PCDHGA12: variants seen among roughly 807,000 people sequenced by gnomAD.
The protein encoded by PCDHGA12 is protocadherin gamma-A12.
Under a neutral mutation model 61.1 loss-of-function variants are expected in PCDHGA12, and 43 were observed. The observed-to-expected ratio is 0.70, with a 90% CI of 0.55 to 0.91. The LOEUF is 0.91. PCDHGA12 is among the 40% of genes least tolerant of loss of function. The pLI, the probability that PCDHGA12 is intolerant of heterozygous loss-of-function variation, is 0.00. For missense variants in PCDHGA12, 1,236 were observed against 1,227.7 expected, an observed-to-expected ratio of 1.01 and a Z score of -0.10; for synonymous variants, 520 against 542.9, an observed-to-expected ratio of 0.96 and a Z score of 0.59.
At position 141,432,942 on chromosome 5, in the gene PCDHGA12, C is replaced by G. The variant is rs1346694514; in HGVS notation, c.2183C>G (p.Ser728Ter). ...RWHKSRLLQA[S>*]GGGLTGAPAS... ...CACAAGTCACGCCTGCTGCAGGCTT[C>G]AGGAGGCGGCTTGACAGGAGCGCCG... The change falls in exon 1 of 4, where the codon TCA becomes TGA. Residue 728 changes from serine to a stop codon, truncating the protein, a stop_gained. Coordinates refer to ENST00000252085, the MANE Select transcript of PCDHGA12 (RefSeq NM_003735.3). LOFTEE classifies it high-confidence loss of function. The surrounding 1 kb of genome is among the most constrained non-coding windows in gnomAD (Gnocchi z 6.0). The G allele has an allele frequency of 1.2e-6, 2 of 1,614,190 alleles. No individual in the cohort carries two copies. Among genetic ancestry groups the G allele is most frequent in the Non-Finnish European group, 1.7e-6 (2 of 1,180,036 alleles).
intron 1 of PCDHGA12, among the ~76,000 whole-genome samples, chr5:141,484,084 T>A (rs1030166144): frequency 3.3e-5 from 5 of 152,174 alleles, no homozygotes; most frequent in African/African-American, 4.8e-5. Flanking sequence ...TCTTTTGAAA[T>A]GGTCTTCGTT....
In PCDHGA12 at chr5:141,493,356, C is replaced by G. The variant is rs1303319550; in HGVS notation, c.2425-1451C>G. On this transcript the variant is annotated intron_variant, in intron 1 of 3. Transcript: ENST00000252085. The surrounding 1 kb of genome is among the most constrained non-coding windows in gnomAD (Gnocchi z 4.3). ...ACTCCAGAATGTGTGCTTTTAATTT[C>G]TTGGCACTTGGAACTTTAAAAGCTT... Among the ~76,000 whole-genome samples the G allele has an allele frequency of 6.6e-6, 1 of 152,182 alleles. No individual in the cohort carries two copies. The highest frequency in any genetic ancestry group is 1.5e-5 in the Non-Finnish European group (1 of 68,032).
chr5:141,456,020 C>T (rs2098840631), intron 1 of PCDHGA12, among the ~76,000 whole-genome samples: 1 of 151,834 alleles, frequency 6.6e-6, no homozygotes, highest in South Asian at 2.1e-4. Flanking sequence ...GCCTCAGCCT[C>T]CCGAGTAGCT....
chr5:141,472,795 G>A (rs939788734), intron 1 of PCDHGA12, among the ~76,000 whole-genome samples: 1 of 151,794 alleles, frequency 6.6e-6, no homozygotes, highest in Non-Finnish European at 1.5e-5. Flanking sequence ...AGATCAGCCT[G>A]ACCAACATGG....
At position 141,485,614 on chromosome 5, in the gene PCDHGA12, T is replaced by G; in HGVS notation, c.2425-9193T>G. 1 of 1,612,236 alleles carries G rather than the reference T, an allele frequency of 6.2e-7. No individual in the cohort carries two copies. Among genetic ancestry groups the G allele is most frequent in the Non-Finnish European group, 8.5e-7 (1 of 1,178,686 alleles). On this transcript the variant is annotated intron_variant, in intron 1 of 3. Transcript: ENST00000252085. The surrounding 1 kb of genome is among the most constrained non-coding windows in gnomAD (Gnocchi z 5.7). ...ACTTGGAAATTGGGGAGGCAGCTCC[T>G]CCAGGACAGCGTTTCCCGTTGGAAA...
rs1472806327 is a variant in PCDHGA12 at position 141,447,891 on chromosome 5, G to C, written c.2424+14708G>C. Among the ~76,000 whole-genome samples the C allele has an allele frequency of 1.3e-5, 2 of 152,080 alleles. 1 individual carries two copies. Among genetic ancestry groups the C allele is most frequent in the African/African-American group, 4.8e-5 (2 of 41,408 alleles). On this transcript the variant is annotated intron_variant, in intron 1 of 3. Coordinates refer to ENST00000252085, the MANE Select transcript of PCDHGA12 (RefSeq NM_003735.3). Reference sequence around the variant, plus strand: ...ATCTGAGGTCAGGAGTTCGAGACCAGCCTGGCCAACATGGTGAAACTCTGT... The same window carrying C: ...ATCTGAGGTCAGGAGTTCGAGACCACCCTGGCCAACATGGTGAAACTCTGT...
Position 141,451,083 on chromosome 5 carries a change from C to T in PCDHGA12, c.2424+17900C>T, listed in dbSNP as rs192869194. On this transcript the variant is annotated intron_variant, in intron 1 of 3. Coordinates refer to ENST00000252085, the MANE Select transcript of PCDHGA12 (RefSeq NM_003735.3). The stretch of plus-strand genomic sequence containing the variant: ...GACCTTGTGATCCACCCACCTTGAC[C>T]TCCCAAAGTGTTGGGATTACAGGCG... 4.9e-4 allele frequency among the ~76,000 whole-genome samples: 75 copies of T among 152,174 alleles called. 3 individuals carry two copies. In the East Asian group the frequency reaches 0.014, roughly 29 times the overall value.
intron 1 of PCDHGA12, among the ~76,000 whole-genome samples, chr5:141,473,942 GC>G (rs1443545533): frequency 1.3e-5 from 2 of 152,124 alleles, no homozygotes; most frequent in African/African-American, 4.8e-5. Context: ...AGTAGCTCAG[GC>G]CTGTAGTCCC....
chr5:141,479,752 T>C (rs770200359), intron 1 of PCDHGA12: 4 of 152,236 alleles, frequency 2.6e-5, no homozygotes, highest in Non-Finnish European at 4.4e-5. Context: ...ATGTGAAAGG[T>C]AGATAAATTC....
intron 1 of PCDHGA12, among the ~76,000 whole-genome samples, chr5:141,449,391 G>A (rs1020753910): frequency 1.3e-5 from 2 of 151,876 alleles, no homozygotes; most frequent in Non-Finnish European, 2.9e-5. Context: ...TGGATTACTT[G>A]AGGCCAGGAG....
At chr5:141,433,266 T>C in intron 1 of PCDHGA12, 83 bp downstream of exon 1, 1 of 1,315,306 alleles carries the variant, frequency 7.6e-7, no homozygotes, top group Non-Finnish European at 1.1e-6. Flanking sequence ...CGATCATAGC[T>C]CACTGCAGCC....
In PCDHGA12 at chr5:141,476,182, G is replaced by A. The variant is rs369561139; in HGVS notation, c.2425-18625G>A. On this transcript the variant is annotated intron_variant, in intron 1 of 3. Coordinates refer to ENST00000252085, the MANE Select transcript of PCDHGA12 (RefSeq NM_003735.3). This position sits in a 1 kb window ranked among gnomAD's most constrained non-coding sequence, Gnocchi z 7.6. ...GGAGGGTAGTGGGAGTTTTGCTTCT[G>A]CTTGGTGCCTTGAACAAGGCTTCCA... 5 of 1,613,554 alleles carry A rather than the reference G, an allele frequency of 3.1e-6. No homozygotes were observed. Among genetic ancestry groups the A allele is most frequent in the Admixed American group, 1.7e-5 (1 of 59,996 alleles).
At position 141,478,736 on chromosome 5, in the gene PCDHGA12, T is replaced by G; in HGVS notation, c.2425-16071T>G. On this transcript the variant is annotated intron_variant, in intron 1 of 3. Coordinates refer to ENST00000252085, the MANE Select transcript of PCDHGA12 (RefSeq NM_003735.3). Reference sequence around the variant, plus strand: ...TGGTGGCCTGCCAGAGTGTGGTTTGTGGTCCCATTTCAGGGGGAAGATACT... The same window carrying G: ...TGGTGGCCTGCCAGAGTGTGGTTTGGGGTCCCATTTCAGGGGGAAGATACT... 5 of 1,534,796 alleles carry G rather than the reference T, an allele frequency of 3.3e-6. No homozygotes were observed. In the South Asian group the frequency reaches 6.2e-5, roughly 19 times the overall value.
chr5:141,511,728 A>C lies in PCDHGA12; in HGVS notation c.*555A>C, dbSNP rs904031366. 2.2e-5 allele frequency: 4 copies of C among 177,940 alleles called. No homozygotes were observed. The highest frequency in any genetic ancestry group is 7.0e-5 in the African/African-American group (3 of 42,626). 11.0% of individuals were successfully genotyped at this position (177,940 alleles called of 1,614,324 possible). ...TCACCTCCTTCCAGAGCCCAAGATC[A>C]ATGCTCAAGTTTTGGAGGACATGAT... On this transcript the variant is annotated 3_prime_UTR_variant, in exon 4 of 4. Coordinates refer to ENST00000252085, the MANE Select transcript of PCDHGA12 (RefSeq NM_003735.3).
At chr5:141,495,193 T>G (rs1471524188) in intron 2 of PCDHGA12, among the ~76,000 whole-genome samples, 2 of 152,192 alleles carry the variant, frequency 1.3e-5, no homozygotes, top group Non-Finnish European at 2.9e-5. Flanking sequence ...TCTATGCCCA[T>G]GTACTGCCTA....
In PCDHGA12 at chr5:141,438,327, A is replaced by G. The variant is rs369043587; in HGVS notation, c.2424+5144A>G. 1.5e-4 allele frequency among the ~76,000 whole-genome samples: 23 copies of G among 152,106 alleles called. No homozygotes were observed. The East Asian group carries it at 4.1e-3, about 27-fold the overall frequency. ...TTGGTACCACCATAATTTTTCTTAT[A>G]CATGTCATATAAGGATCTACTCTGT... On this transcript the variant is annotated intron_variant, in intron 1 of 3. Transcript: ENST00000252085.
chr5:141,497,540 CTT>C (rs754207034), intron 2 of PCDHGA12, among the ~76,000 whole-genome samples: 114 of 134,852 alleles, frequency 8.5e-4, no homozygotes, highest in Middle Eastern at 3.7e-3. Context: ...TGCAACAAAC[CTT>C]TTTTTTTTTT....
intron 1 of PCDHGA12, among the ~76,000 whole-genome samples, chr5:141,463,380 A>G (rs994170903): frequency 2.0e-5 from 3 of 149,876 alleles, no homozygotes; most frequent in Admixed American, 6.7e-5. Context: ...ACAGTCTGAA[A>G]GTTGTCTCCA....
Position 141,433,025 on chromosome 5 carries a change from G to A in PCDHGA12, c.2266G>A (p.Glu756Lys). 6.2e-7 allele frequency: 1 copy of A among 1,614,144 alleles called. No homozygotes were observed. The highest frequency in any genetic ancestry group is 8.5e-7 in the Non-Finnish European group (1 of 1,180,022). The change falls in exon 1 of 4, where the codon GAG becomes AAG. Residue 756 changes from glutamate to lysine, a missense_variant. Glu to Lys is a moderately conservative substitution (Grantham distance 56). Transcript: ENST00000252085. ...GGCTTTCCTGCAGACCTATTCCCACGAGGTTTCCCTCACCACGGACTCGCG... is the reference window on the plus strand; with the variant it reads ...GGCTTTCCTGCAGACCTATTCCCACAAGGTTTCCCTCACCACGGACTCGCG... Reference protein sequence around the residue: ...VQAFLQTYSHEVSLTTDSRKS... With the variant: ...VQAFLQTYSHKVSLTTDSRKS...
Sources: allele counts gnomAD v4.1 joint callset (sites outside exome capture counted in the v4.1 genomes callset), GRCh38; gene constraint gnomAD v4.1.1; non-coding constraint Gnocchi (gnomAD v3.1); transcripts MANE v1.5; gene names NCBI Gene and HGNC (gene_info 2026-07-23, HGNC 2026-07-21).